GEMIN6: variants seen among roughly 807,000 people sequenced by gnomAD.
GEMIN6 encodes gem nuclear organelle associated protein 6, also known as gem-associated protein 6.
A neutral mutation model predicts 14.1 loss-of-function variants in GEMIN6; 13 were observed. That is an observed-to-expected ratio of 0.92 (90% CI 0.60 to 1.46). The LOEUF is 1.46. Ranked by LOEUF, GEMIN6 falls within the 40% of genes most tolerant of loss-of-function variation. GEMIN6 has a pLI of 0.00. For synonymous variants in GEMIN6, 87 were observed against 70.0 expected, an observed-to-expected ratio of 1.24 and a Z score of -1.21; for missense variants, 271 against 202.4, an observed-to-expected ratio of 1.34 and a Z score of -2.06.
intron 1 of GEMIN6, among the ~76,000 whole-genome samples, 196 bp downstream of exon 1, chr2:38,778,477 A>G (rs533090498): frequency 6.6e-5 from 10 of 152,232 alleles, no homozygotes; most frequent in South Asian, 2.1e-4. Context: ...CGATGGCGGG[A>G]TCCAGCGGAG....
At chr2:38,781,162 T>G (rs1418208796) in intron 2 of GEMIN6, among the ~76,000 whole-genome samples, 1 of 151,442 alleles carries the variant, frequency 6.6e-6, no homozygotes, top group South Asian at 2.1e-4. Flanking sequence ...GGGATTGGGT[T>G]TCACCATCTT....
Position 38,779,104 on chromosome 2 carries a change from C to A in GEMIN6, c.114C>A (p.Asp38Glu). The A allele has an allele frequency of 3.1e-6, 5 of 1,612,644 alleles. No individual in the cohort carries two copies. The highest frequency in any genetic ancestry group is 4.2e-6 in the Non-Finnish European group (5 of 1,179,328). ...NEYKGWVLTTDPVSANIVLVN... is the reference protein window; with the variant it reads ...NEYKGWVLTTEPVSANIVLVN... ...ATAAAGGATGGGTTTTAACTACAGA[C>A]CCAGTCTCTGCCAAGTGAGTATGCA... Residue 38 changes from aspartate to glutamate, a missense_variant, in exon 2 of 3, where the codon GAC becomes GAA. Coordinates refer to ENST00000281950, the MANE Select transcript of GEMIN6 (RefSeq NM_024775.10).
chr2:38,781,059 C>T (rs1419191394), intron 2 of GEMIN6, among the ~76,000 whole-genome samples: 1 of 148,656 alleles, frequency 6.7e-6, no homozygotes, highest in Non-Finnish European at 1.5e-5. Flanking sequence ...ACCTCTGCCT[C>T]CCAGGTTCAA....
At chr2:38,779,960 G>C (rs1669043130) in intron 2 of GEMIN6, among the ~76,000 whole-genome samples, 1 of 150,540 alleles carries the variant, frequency 6.6e-6, no homozygotes, top group Admixed American at 6.6e-5. Flanking sequence ...TAGGATCATA[G>C]GCTTGAGCCA....
intron 2 of GEMIN6, 147 bp downstream of exon 2, chr2:38,779,265 C>T: frequency 3.7e-6 from 3 of 820,352 alleles, no homozygotes; most frequent in Admixed American, 4.8e-5. Context: ...CAGGGTTCTA[C>T]TGTCACCCAG....
intron 2 of GEMIN6, 104 bp downstream of exon 2, chr2:38,779,222 AT>A (rs1175633940): frequency 8.2e-7 from 1 of 1,215,050 alleles, no homozygotes; most frequent in East Asian, 2.5e-5. Flanking sequence ...AATTATTAAT[AT>A]TTTCATATAA....
Position 38,778,982 on chromosome 2 carries a change from G to T in GEMIN6, c.-9G>T. 1 of 1,607,218 alleles carries T rather than the reference G, an allele frequency of 6.2e-7. No homozygotes were observed. ...TGGTGGTTGTTTCAGATTTAGCCAG[G>T]TGGCAATCATGAGTGAATGGATGAA... is the stretch of plus-strand genomic sequence containing the variant. On this transcript the variant is annotated 5_prime_UTR_variant, in exon 2 of 3. Transcript: ENST00000281950.
At chr2:38,779,403 G>A (rs895499933) in intron 2 of GEMIN6, 2 of 324,570 alleles carry the variant, frequency 6.2e-6, no homozygotes, top group Non-Finnish European at 5.9e-6. Flanking sequence ...GCTAATTTTT[G>A]TATTTTTTGT....
In GEMIN6 at chr2:38,782,796, CA is replaced by C. The variant is rs879579544; in HGVS notation, c.*921del. 0.12 allele frequency: 10,703 copies of C among 90,974 alleles called. 435 individuals are homozygous for C. Among genetic ancestry groups the C allele is most frequent in the Non-Finnish European group, 0.16 (6,927 of 43,992 alleles). 5.6% of individuals were successfully genotyped at this position (90,974 alleles called of 1,614,324 possible). A position where few individuals can be genotyped will look rare whatever the true frequency, so the allele number is the denominator to read the frequency against. ...TGGGTGACAGAGCGAGACTCCGTCT[CA>C]AAAAAAAAAAAAAAAATTATTGGAA... On this transcript the variant is annotated 3_prime_UTR_variant, in exon 3 of 3. Transcript: ENST00000281950.
intron 2 of GEMIN6, among the ~76,000 whole-genome samples, chr2:38,779,658 ATATATATTTTTTTTT>A (rs1156878477): frequency 1.4e-4 from 4 of 29,574 alleles, no homozygotes; most frequent in Non-Finnish European, 2.2e-4. Context: ...ATATATATAT[ATATATATTTTTTTTT>A]TTTTTTTTTT....
Position 38,784,725 on chromosome 2 carries a change from G to C in GEMIN6, c.*2833G>C, listed in dbSNP as rs1406733064. 1 of 152,148 alleles carries C rather than the reference G, an allele frequency of 6.6e-6. No homozygotes were observed. Among genetic ancestry groups the C allele is most frequent in the Non-Finnish European group, 1.5e-5 (1 of 68,046 alleles). The allele number at this position is 152,148 out of a possible 1,614,324, so 9.4% of individuals were successfully genotyped here. A position where few individuals can be genotyped will look rare whatever the true frequency, so the allele number is the denominator to read the frequency against. On this transcript the variant is annotated 3_prime_UTR_variant, in exon 3 of 3. Transcript: ENST00000281950. ...CAATTTGCCTGCAAACAAAACCTGA[G>C]TGCTTGAAAGGGTAAGTGATCCTGA...
rs1390107081 is a variant in GEMIN6 at position 38,779,006 on chromosome 2, A to T, written c.16A>T (p.Lys6Ter). The T allele has an allele frequency of 6.2e-7, 1 of 1,612,144 alleles. No homozygotes were observed. Among genetic ancestry groups the T allele is most frequent in the Non-Finnish European group, 8.5e-7 (1 of 1,179,334 alleles). The change falls in exon 2 of 3, where the codon AAG becomes TAG. Residue 6 changes from lysine (K) to a stop codon, truncating the protein, a stop_gained. Transcript: ENST00000281950. LOFTEE classifies it high-confidence loss of function. ...GGTGGCAATCATGAGTGAATGGATG[A>T]AGAAAGGCCCCTTAGAATGGCAAGA... MSEWM[K>*]KGPLEWQDYI...
intron 2 of GEMIN6, 195 bp downstream of exon 2, chr2:38,779,313 C>A: frequency 3.5e-6 from 2 of 569,916 alleles, no homozygotes; most frequent in Non-Finnish European, 6.3e-6. Context: ...TCTTTGTAAC[C>A]TCCACCTCGC....
chr2:38,784,609 T>C lies in GEMIN6; in HGVS notation c.*2717T>C, dbSNP rs1466960649. ...ATCTTGGCTCAGGGACCAGGCCCGG[T>C]GCCTTGATATTGGTAGATTTATTTG... On this transcript the variant is annotated 3_prime_UTR_variant, in exon 3 of 3. Coordinates refer to ENST00000281950, the MANE Select transcript of GEMIN6 (RefSeq NM_024775.10). 2 of 151,652 alleles carry C rather than the reference T, an allele frequency of 1.3e-5. No homozygotes were observed. Among genetic ancestry groups the C allele is most frequent in the Admixed American group, 6.6e-5 (1 of 15,182 alleles). 9.4% of individuals were successfully genotyped at this position (151,652 alleles called of 1,614,324 possible).
rs1042246316 is a variant in GEMIN6, at chr2:38,783,473, G to C, written c.*1581G>C. On this transcript the variant is annotated 3_prime_UTR_variant, in exon 3 of 3. Coordinates refer to ENST00000281950, the MANE Select transcript of GEMIN6 (RefSeq NM_024775.10). ...AAGTGCTGGGATTATAGGCATGAGAGCCTCCGTGCCTGGCTTTTTTTTTTT... is the reference window on the plus strand; with the variant it reads ...AAGTGCTGGGATTATAGGCATGAGACCCTCCGTGCCTGGCTTTTTTTTTTT... The C allele has an allele frequency of 1.4e-5, 2 of 143,158 alleles. No homozygotes were observed. Among genetic ancestry groups the C allele is most frequent in the African/African-American group, 5.1e-5 (2 of 39,142 alleles). 8.9% of individuals were successfully genotyped at this position (143,158 alleles called of 1,614,324 possible). A position where few individuals can be genotyped will look rare whatever the true frequency, so the allele number is the denominator to read the frequency against.
At chr2:38,780,832 T>C (rs931754607) in intron 2 of GEMIN6, among the ~76,000 whole-genome samples, 2 of 152,170 alleles carry the variant, frequency 1.3e-5, no homozygotes, top group African/African-American at 4.8e-5. Flanking sequence ...TTTCACCATG[T>C]TGGCCAGGCT....
Position 38,780,176 on chromosome 2 carries a change from C to T in GEMIN6, c.128+1058C>T, listed in dbSNP as rs111412322. Reference sequence around the variant, plus strand: ...TACTGAAAATACAAAAAAAATTAGCCGGGCGTGGTAGCAGGCACCTGTAGT... The same window carrying T: ...TACTGAAAATACAAAAAAAATTAGCTGGGCGTGGTAGCAGGCACCTGTAGT... On this transcript the variant is annotated intron_variant, in intron 2 of 2. Coordinates refer to ENST00000281950, the MANE Select transcript of GEMIN6 (RefSeq NM_024775.10). Among the ~76,000 whole-genome samples, 589 of 151,196 alleles carry T rather than the reference C, an allele frequency of 3.9e-3. 2 individuals are homozygous for T. The highest frequency in any genetic ancestry group is 0.013 in the African/African-American group (554 of 41,344).
chr2:38,781,776 G>A lies in GEMIN6; in HGVS notation c.388G>A (p.Ala130Thr). The A allele has an allele frequency of 6.2e-7, 1 of 1,614,148 alleles. No homozygotes were observed. The highest frequency in any genetic ancestry group is 1.3e-5 in the African/African-American group (1 of 75,050). ...QGDAPRTLCVAGVLTIDPPYG... is the reference protein window; with the variant it reads ...QGDAPRTLCVTGVLTIDPPYG... ...AGACGCTCCAAGGACTCTCTGTGTG[G>A]CTGGGGTCCTGACTATAGACCCACC... is the stretch of plus-strand genomic sequence containing the variant. The change falls in exon 3 of 3, where the codon GCT becomes ACT. Residue 130 changes from alanine (A) to threonine (T), a missense_variant. Coordinates refer to ENST00000281950, the MANE Select transcript of GEMIN6 (RefSeq NM_024775.10).
At chr2:38,780,867 G>T (rs139945211) in intron 2 of GEMIN6, among the ~76,000 whole-genome samples, 1 of 151,888 alleles carries the variant, frequency 6.6e-6, no homozygotes, top group African/African-American at 2.4e-5. Context: ...TACCTCAAGT[G>T]ATTTGCCCGC....
Sources: allele counts gnomAD v4.1 joint callset (sites outside exome capture counted in the v4.1 genomes callset), GRCh38; gene constraint gnomAD v4.1.1; transcripts MANE v1.5; gene names NCBI Gene and HGNC (gene_info 2026-07-23, HGNC 2026-07-21).